PTPN3: variants seen among roughly 807,000 people sequenced by gnomAD.
PTPN3 encodes tyrosine-protein phosphatase non-receptor type 3.
Under a neutral mutation model 132.7 loss-of-function variants are expected in PTPN3, and 96 were observed. That is an observed-to-expected ratio of 0.72 (90% CI 0.61 to 0.86). The LOEUF (loss-of-function observed/expected upper bound fraction) is 0.86. Ranked by LOEUF, PTPN3 falls within the 40% of genes least tolerant of loss-of-function variation. PTPN3 has a pLI of 0.00. For missense variants in PTPN3, 1,125 were observed against 1,159.6 expected (o/e 0.97, Z 0.43); for synonymous variants, 398 against 429.0 (o/e 0.93, Z 0.89).
chr9:109,457,179 A>T lies in PTPN3; in HGVS notation c.283T>A (p.Leu95Ile), dbSNP rs141057944. The T allele has an allele frequency of 7.8e-4, 1,255 of 1,613,940 alleles. 1 individual carries two copies. Among genetic ancestry groups the T allele is most frequent in the Non-Finnish European group, 9.6e-4 (1,130 of 1,179,796 alleles). ...ATGAAAAGATCACACCAACCTTTTA[A>T]CTGCTTCCTGATGGCTTTGCTTGCT... ...LEASKAIRKQ[L>I]KGGFPCTLHF... The change falls in exon 4 of 26, where the codon TTA (leucine) becomes ATA (isoleucine). Residue 95 changes from leucine (L) to isoleucine (I), a missense_variant. Coordinates refer to ENST00000374541, the MANE Select transcript of PTPN3 (RefSeq NM_002829.4).
Position 109,436,939 on chromosome 9 carries a change from A to G in PTPN3, c.619T>C (p.Tyr207His). 6.2e-7 allele frequency: 1 copy of G among 1,614,150 alleles called. No individual in the cohort carries two copies. Among genetic ancestry groups the G allele is most frequent in the Non-Finnish European group, 8.5e-7 (1 of 1,180,000 alleles). Residue 207 changes from tyrosine to histidine, a missense_variant, in exon 9 of 26, where the codon TAT becomes CAT. Transcript: ENST00000374541. ...TCGAGGGTCCGCGCTATGTTGATAT[A>G]GCAGGATTCTGCTTCTGATTGTTTT... ...GLKQSEAESC[Y>H]INIARTLDFY... is the part of the protein sequence containing the mutation.
At chr9:109,527,788 CA>C in the PTPN3 span, among the ~76,000 whole-genome samples, 1 of 152,100 alleles carries the variant, frequency 6.6e-6, no homozygotes, top group Non-Finnish European at 1.5e-5. Context: ...GAATAACTTC[CA>C]TTCATCAAAA....
At chr9:109,493,909 TG>T (rs1273874515) in intron 1 of PTPN3, among the ~76,000 whole-genome samples, 4 of 152,130 alleles carry the variant, frequency 2.6e-5, no homozygotes, top group Non-Finnish European at 5.9e-5. Context: ...AGGGTTGCTG[TG>T]AAGATTAAAT....
chr9:109,475,279 CATG>C (rs1846600835), intron 1 of PTPN3, among the ~76,000 whole-genome samples: 1 of 152,196 alleles, frequency 6.6e-6, no homozygotes, highest in Non-Finnish European at 1.5e-5. Context: ...AGTTTCTGTA[CATG>C]TAAGCCTCAA....
chr9:109,447,548 T>A (rs952503612), intron 6 of PTPN3, among the ~76,000 whole-genome samples: 1 of 152,040 alleles, frequency 6.6e-6, no homozygotes, highest in Non-Finnish European at 1.5e-5. Context: ...ATGAGCTAAG[T>A]GATGAGAATT....
At chr9:109,431,186 GGA>G (rs1268738246) in intron 10 of PTPN3, among the ~76,000 whole-genome samples, 2 of 152,208 alleles carry the variant, frequency 1.3e-5, no homozygotes, top group Non-Finnish European at 2.9e-5. Context: ...CCTGGGGGTT[GGA>G]GAGTCCCTGC....
At chr9:109,392,295 C>T (rs17793586) in intron 19 of PTPN3, among the ~76,000 whole-genome samples, 5,707 of 152,136 alleles carry the variant, frequency 0.038, 147 homozygotes, top group East Asian at 0.15. Context: ...TATATGACTG[C>T]TTTTTCCCTT....
chr9:109,383,584 G>A (rs2304743), intron 22 of PTPN3, 33 bp from the exon 23 acceptor site: 59,583 of 1,606,678 alleles, frequency 0.037, 1,702 homozygotes, highest in East Asian at 0.15. Flanking sequence ...AGTGAGCCCC[G>A]TCTGTGGGGT....
intron 19 of PTPN3, among the ~76,000 whole-genome samples, chr9:109,391,951 A>G (rs1840158504): frequency 6.6e-6 from 1 of 151,312 alleles, no homozygotes; most frequent in Admixed American, 6.6e-5. Flanking sequence ...CTTCAGTTCA[A>G]TGTAGTGAAC....
chr9:109,443,870 T>C (rs78388793), intron 7 of PTPN3, among the ~76,000 whole-genome samples: 1 of 152,132 alleles, frequency 6.6e-6, no homozygotes, highest in East Asian at 1.9e-4. Context: ...GTCTTACTCG[T>C]GAATAGGGTC....
chr9:109,384,897 G>T (rs952086949), intron 22 of PTPN3, among the ~76,000 whole-genome samples: 8 of 152,164 alleles, frequency 5.3e-5, no homozygotes, highest in Admixed American at 2.6e-4. Flanking sequence ...GGGTAATTTT[G>T]GTTAGTAGCC....
intron 19 of PTPN3, among the ~76,000 whole-genome samples, chr9:109,395,731 G>C (rs1840524220): frequency 1.3e-5 from 2 of 152,190 alleles, no homozygotes; most frequent in South Asian, 4.2e-4. Flanking sequence ...AGGTTGCAGT[G>C]AGCCAATATT....
chr9:109,485,759 C>A (rs1276942022), intron 1 of PTPN3, among the ~76,000 whole-genome samples: 3 of 152,150 alleles, frequency 2.0e-5, no homozygotes, highest in African/African-American at 7.2e-5. Context: ...GAGCCTCTGT[C>A]CTGGAGCAGC....
intron 1 of PTPN3, among the ~76,000 whole-genome samples, chr9:109,464,837 C>G (rs531216412): frequency 6.6e-6 from 1 of 152,288 alleles, no homozygotes; most frequent in African/African-American, 2.4e-5. Flanking sequence ...TTATCTGCTG[C>G]ATGATTCCAT....
intron 9 of PTPN3, among the ~76,000 whole-genome samples, chr9:109,434,649 G>A (rs931265525): frequency 6.6e-6 from 1 of 152,224 alleles, no homozygotes; most frequent in African/African-American, 2.4e-5. Context: ...GTTTGAGTCA[G>A]TCACAACTGA....
At chr9:109,465,706 C>CAAAAAAAAAAAAA (rs34634972) in intron 1 of PTPN3, among the ~76,000 whole-genome samples, 1 of 64,830 alleles carries the variant, frequency 1.5e-5, no homozygotes, top group African/African-American at 6.4e-5. Flanking sequence ...AACTCTGTCT[C>CAAAAAAAAAAAAA]AAAAAAAAAA....
chr9:109,437,013 G>T (rs200171034), intron 8 of PTPN3, 43 bp from the exon 9 acceptor site: 6 of 1,611,332 alleles, frequency 3.7e-6, no homozygotes, highest in Non-Finnish European at 5.1e-6. Flanking sequence ...CCAATAAAGA[G>T]AGGGCATTAA....
chr9:109,502,008 C>T (rs1847869391), upstream of PTPN3, among the ~76,000 whole-genome samples: 1 of 152,140 alleles, frequency 6.6e-6, no homozygotes, highest in Non-Finnish European at 1.5e-5. Flanking sequence ...GATCCAGAAA[C>T]CGTGAAAAAC....
upstream of PTPN3, among the ~76,000 whole-genome samples, chr9:109,501,809 C>T (rs1265817177): frequency 6.6e-5 from 10 of 152,194 alleles, no homozygotes; most frequent in African/African-American, 9.7e-5. Context: ...GGCAGGATCA[C>T]AACATGATGG....
Sources: gnomAD v4.1 joint callset for allele counts (sites outside exome capture counted in the v4.1 genomes callset) on GRCh38, gnomAD v4.1.1 for gene constraint, MANE v1.5 for transcripts, NCBI Gene and HGNC (gene_info 2026-07-23, HGNC 2026-07-21) for gene names.